The following SLC25A16 variants were observed in gnomAD, a reference collection of about 807,000 sequenced individuals.
SLC25A16 encodes solute carrier family 25 member 16, also known as mitochondrial coenzyme A transporter SLC25A16.
SLC25A16 carries 39 observed loss-of-function variants against 41.5 expected under a neutral mutation model. The observed-to-expected ratio is 0.94, with a 90% CI of 0.73 to 1.23. The LOEUF (loss-of-function observed/expected upper bound fraction) is 1.23, where lower values mean the gene tolerates loss of function less well. Among genes scored for constraint, SLC25A16 ranks in the 50% most tolerant of loss-of-function variants. SLC25A16 has a pLI of 0.00. For missense variants in SLC25A16, 421 were observed against 426.9 expected (o/e 0.99, Z 0.12); for synonymous variants, 146 against 147.8 (o/e 0.99, Z 0.09).
At chr10:68,517,726 T>C (rs1477834303) in intron 1 of SLC25A16, 2 of 152,142 alleles carry the variant, frequency 1.3e-5, no homozygotes, top group Non-Finnish European at 2.9e-5. Context: ...CCCAGCACTT[T>C]GGCAGCTCGG....
At chr10:68,509,238 G>GA (rs1176608329) in intron 2 of SLC25A16, among the ~76,000 whole-genome samples, 1 of 151,994 alleles carries the variant, frequency 6.6e-6, no homozygotes, top group Non-Finnish European at 1.5e-5. Flanking sequence ...GAGGGAGGGT[G>GA]AAGCAGGAGA....
chr10:68,520,049 C>A (rs2053225339), intron 1 of SLC25A16, among the ~76,000 whole-genome samples: 1 of 148,004 alleles, frequency 6.8e-6, no homozygotes, highest in South Asian at 2.2e-4. Context: ...CTCCCAGGTT[C>A]AAGCGATTCT....
intron 3 of SLC25A16, 114 bp from the exon 4 acceptor site, chr10:68,503,809 T>C: frequency 1.4e-6 from 1 of 715,594 alleles, no homozygotes; most frequent in South Asian, 1.8e-5. Flanking sequence ...AGGAAATTAA[T>C]AATAAATGTG....
Position 68,481,663 on chromosome 10 carries a change from G to T in SLC25A16, c.*1769C>A, listed in dbSNP as rs1817776974. On this transcript the variant is annotated 3_prime_UTR_variant, in exon 9 of 9. Transcript: ENST00000609923. ...GAGGCTCATTCTGTCACCCAGGCTG[G>T]AGTGCAGTGGTGTGATCTCAGCTCA... 6.6e-6 allele frequency: 1 copy of T among 152,084 alleles called. No homozygotes were observed. Among genetic ancestry groups the T allele is most frequent in the South Asian group, 2.1e-4 (1 of 4,816 alleles). 9.4% of individuals were successfully genotyped at this position (152,084 alleles called of 1,614,324 possible). A position where few individuals can be genotyped will look rare whatever the true frequency, so the allele number is the denominator to read the frequency against.
At chr10:68,522,022 T>A (rs1473238366) in intron 1 of SLC25A16, among the ~76,000 whole-genome samples, 3 of 151,830 alleles carry the variant, frequency 2.0e-5, no homozygotes, top group Admixed American at 2.0e-4. Context: ...GAGCTGGGCG[T>A]GATGGCGCAC....
At chr10:68,516,537 T>A (rs1474015985) in intron 2 of SLC25A16, among the ~76,000 whole-genome samples, 1 of 152,226 alleles carries the variant, frequency 6.6e-6, no homozygotes, top group Non-Finnish European at 1.5e-5. Flanking sequence ...GATTTTTTAA[T>A]CATGGCTAGC....
intron 4 of SLC25A16, among the ~76,000 whole-genome samples, chr10:68,501,083 C>A (rs1282502352): frequency 2.6e-5 from 4 of 151,894 alleles, no homozygotes; most frequent in Non-Finnish European, 4.4e-5. Flanking sequence ...GAAACCCCGT[C>A]TCTACTAAAA....
intron 2 of SLC25A16, among the ~76,000 whole-genome samples, chr10:68,514,701 T>C (rs1445697449): frequency 1.3e-5 from 2 of 152,206 alleles, no homozygotes; most frequent in Non-Finnish European, 2.9e-5. Flanking sequence ...GAAGTGTCCA[T>C]GTTAATCAAA....
intron 1 of SLC25A16, among the ~76,000 whole-genome samples, chr10:68,518,644 C>T (rs1413135824): frequency 3.3e-5 from 5 of 151,176 alleles, no homozygotes; most frequent in Non-Finnish European, 5.9e-5. Flanking sequence ...CATGGTGGTG[C>T]GTGCATGTAA....
At chr10:68,490,445 C>A (rs543280499) in intron 6 of SLC25A16, among the ~76,000 whole-genome samples, 1 of 151,532 alleles carries the variant, frequency 6.6e-6, no homozygotes, top group Non-Finnish European at 1.5e-5. Flanking sequence ...TGGGTTCAAG[C>A]GATTCTCTTG....
intron 1 of SLC25A16, among the ~76,000 whole-genome samples, chr10:68,518,430 A>G (rs1040722486): frequency 5.9e-5 from 9 of 152,088 alleles, no homozygotes; most frequent in Admixed American, 4.6e-4. Flanking sequence ...AGAAAAAAAA[A>G]GAAAACACAA....
chr10:68,524,627 T>C (rs952204032), intron 1 of SLC25A16, among the ~76,000 whole-genome samples: 3 of 146,928 alleles, frequency 2.0e-5, no homozygotes, highest in African/African-American at 7.6e-5. Flanking sequence ...GAGAATCGCT[T>C]GAACCAGGCG....
At chr10:68,498,049 C>A (rs2052779490) in intron 4 of SLC25A16, among the ~76,000 whole-genome samples, 1 of 152,062 alleles carries the variant, frequency 6.6e-6, no homozygotes, top group Non-Finnish European at 1.5e-5. Context: ...GCAGGATTCT[C>A]ACACAGAAAT....
Position 68,483,203 on chromosome 10 carries a change from C to T in SLC25A16, c.*229G>A. On this transcript the variant is annotated 3_prime_UTR_variant, in exon 9 of 9. Transcript: ENST00000609923. ...AACTTTAAAGCGGTTTAGCCAGCAT[C>T]AGCTTAGGAATATTTTCTTCAATGT... 2.9e-6 allele frequency: 1 copy of T among 348,638 alleles called. No individual in the cohort carries two copies. Among genetic ancestry groups the T allele is most frequent in the Non-Finnish European group, 5.1e-6 (1 of 194,794 alleles). The allele number at this position is 348,638 out of a possible 1,614,324, so 21.6% of individuals were successfully genotyped here. A position where few individuals can be genotyped will look rare whatever the true frequency, so the allele number is the denominator to read the frequency against.
At chr10:68,503,976 G>A (rs1194342519) in intron 3 of SLC25A16, among the ~76,000 whole-genome samples, 1 of 148,522 alleles carries the variant, frequency 6.7e-6, no homozygotes, top group Admixed American at 6.7e-5. Flanking sequence ...AGGAACACAA[G>A]CCCTTAACAA....
At position 68,503,682 on chromosome 10, in the gene SLC25A16, T is replaced by G; in HGVS notation, c.371A>C (p.Lys124Thr). ...FEHYKTLITT[K>T]LGISGHVHRL... Reference sequence around the variant, plus strand: ...GTGCACATGACCTGAAATTCCCAGCTTCGTAGTAATTAACTAGAAAACAAG... The same window carrying G: ...GTGCACATGACCTGAAATTCCCAGCGTCGTAGTAATTAACTAGAAAACAAG... Residue 124 changes from lysine (K) to threonine (T), a missense_variant, in exon 4 of 9, where the codon AAG becomes ACG. By Grantham distance (78) the Lys-to-Thr change is moderately conservative. Transcript: ENST00000609923. The G allele has an allele frequency of 1.2e-6, 2 of 1,602,014 alleles. No individual in the cohort carries two copies. The highest frequency in any genetic ancestry group is 1.7e-6 in the Non-Finnish European group (2 of 1,170,838).
In SLC25A16 at chr10:68,493,553, A is replaced by G; in HGVS notation, c.439T>C (p.Cys147Arg). ...GSMAGMTAVI[C>R]TYPLDMVRVR... ...CTAACCATGTCAAGAGGGTAAGTAC[A>G]GATAACTGCTGTCATACCTGAAAAG... is the stretch of plus-strand genomic sequence containing the variant. Residue 147 changes from cysteine to arginine, a missense_variant, in exon 5 of 9, where the codon TGT becomes CGT. Transcript: ENST00000609923. The G allele has an allele frequency of 6.2e-7, 1 of 1,612,854 alleles. No individual in the cohort carries two copies. The highest frequency in any genetic ancestry group is 8.5e-7 in the Non-Finnish European group (1 of 1,178,996).
At chr10:68,510,957 AGCCCAGTGCAGTGGCTCAC>A (rs2053052953) in intron 2 of SLC25A16, among the ~76,000 whole-genome samples, 1 of 150,818 alleles carries the variant, frequency 6.6e-6, no homozygotes. Context: ...AATAAATTAA[AGCCCAGTGCAGTGGCTCAC>A]GCCTATAATC....
rs554237608 is a variant in SLC25A16 at position 68,494,397 on chromosome 10, G to C, written c.422-827C>G. 2.0e-4 allele frequency among the ~76,000 whole-genome samples: 29 copies of C among 148,308 alleles called. 1 individual carries two copies. Among genetic ancestry groups the C allele is most frequent in the South Asian group, 4.4e-4 (2 of 4,502 alleles). ...GAATCACTTGAACCCAGGAGGCGGA[G>C]GTTGCAGTGAGCTAAGATCACGCCA... On this transcript the variant is annotated intron_variant, in intron 4 of 8. Coordinates refer to ENST00000609923, the MANE Select transcript of SLC25A16 (RefSeq NM_152707.4).
Sources: allele counts gnomAD v4.1 joint callset (sites outside exome capture counted in the v4.1 genomes callset), GRCh38; gene constraint gnomAD v4.1.1; transcripts MANE v1.5; gene names NCBI Gene and HGNC (gene_info 2026-07-23, HGNC 2026-07-21).